RFX3: variants seen among roughly 807,000 people sequenced by gnomAD.
RFX3 encodes the protein regulatory factor X3.
A neutral mutation model predicts 98.6 loss-of-function variants in RFX3; 14 were observed. That is an observed-to-expected ratio of 0.14 (90% confidence interval 0.09 to 0.22). RFX3 has a LOEUF of 0.22. RFX3 is among the 10% of genes least tolerant of loss of function. RFX3 has a pLI of 1.00. For synonymous variants in RFX3, 383 were observed against 328.4 expected (o/e 1.17, Z -1.80); for missense variants, 639 against 926.9 (o/e 0.69, Z 4.03).
rs199893253 is a variant in RFX3 at position 3,521,742 on chromosome 9, A to G, written c.-9+4005T>C. On this transcript the variant is annotated intron_variant, in intron 1 of 16. Transcript: ENST00000617270. ...GTTTGAAAATACTTAACCAACAAAA[A>G]CAACACCTATTTCCAACATATAAAA... is the stretch of plus-strand genomic sequence containing the variant. Among the ~76,000 whole-genome samples, 3 of 152,182 alleles carry G rather than the reference A, an allele frequency of 2.0e-5. No individual in the cohort carries two copies. The East Asian group carries it at 5.8e-4, about 29-fold the overall frequency.
At chr9:3,373,585 T>C (rs1380288160) in intron 2 of RFX3, among the ~76,000 whole-genome samples, 2 of 152,174 alleles carry the variant, frequency 1.3e-5, no homozygotes, top group Admixed American at 6.5e-5. Context: ...GTGTTTTCTC[T>C]TCTGTTCTCC....
In RFX3 at chr9:3,268,989, C is replaced by G. The variant is rs555459359; in HGVS notation, c.1357+1382G>C. ...ATAAACATCTCTAGAGATTATCACT[C>G]AGAGCACAGGGAGCAAGAGAAAAAC... On this transcript the variant is annotated intron_variant, in intron 11 of 16. Transcript: ENST00000617270. Among the ~76,000 whole-genome samples the G allele has an allele frequency of 7.7e-4, 117 of 152,022 alleles. 1 individual carries two copies. Among genetic ancestry groups the G allele is most frequent in the African/African-American group, 2.8e-3 (115 of 41,530 alleles).
intron 1 of RFX3, among the ~76,000 whole-genome samples, chr9:3,448,443 C>T (rs1391181651): frequency 6.6e-6 from 1 of 152,154 alleles, no homozygotes; most frequent in African/African-American, 2.4e-5. Context: ...GCTGTATCAC[C>T]ATGAGTCCTC....
Position 3,502,119 on chromosome 9 carries a change from C to T in RFX3, c.-9+23628G>A, listed in dbSNP as rs370662989. On this transcript the variant is annotated intron_variant, in intron 1 of 16. Transcript: ENST00000617270. ...AAAAAAATACAAAAAATTAGCCGGG[C>T]GTAGTGGCGGGCGCCTGTAGTCCCA... Among the ~76,000 whole-genome samples, 94 of 151,266 alleles carry T rather than the reference C, an allele frequency of 6.2e-4. No individual in the cohort carries two copies. The East Asian group carries it at 0.018, about 29-fold the overall frequency.
Position 3,316,707 on chromosome 9 carries a change from T to C in RFX3, c.474+13552A>G, listed in dbSNP as rs534494110. On this transcript the variant is annotated intron_variant, in intron 4 of 16. Transcript: ENST00000617270. ...AGGCTACAAAATCAATGTGCAAAAA[T>C]CACAAGCATTCCTATACACCAATGA... is the stretch of plus-strand genomic sequence containing the variant. Among the ~76,000 whole-genome samples the C allele has an allele frequency of 7.2e-5, 11 of 152,170 alleles. No individual in the cohort carries two copies. The South Asian group carries it at 2.3e-3, about 32-fold the overall frequency.
intron 14 of RFX3, among the ~76,000 whole-genome samples, chr9:3,253,001 A>G (rs1327108710): frequency 6.6e-6 from 1 of 152,236 alleles, no homozygotes; most frequent in Non-Finnish European, 1.5e-5. Context: ...TTTAATTGGA[A>G]TCCTATTGTC....
intron 15 of RFX3, among the ~76,000 whole-genome samples, chr9:3,242,102 T>C (rs544391524): frequency 2.6e-5 from 4 of 152,314 alleles, no homozygotes; most frequent in East Asian, 1.9e-4. Context: ...CATTTGACTA[T>C]TTGAAGTGAG....
chr9:3,510,635 C>G (rs1234265126), intron 1 of RFX3, among the ~76,000 whole-genome samples: 1 of 151,948 alleles, frequency 6.6e-6, no homozygotes, highest in Non-Finnish European at 1.5e-5. Context: ...ATTTTAAGTA[C>G]AAGGTATCTA....
At chr9:3,429,612 TCTCATCCTAAC>T (rs1398607871) in intron 1 of RFX3, among the ~76,000 whole-genome samples, 2 of 152,130 alleles carry the variant, frequency 1.3e-5, no homozygotes, top group African/African-American at 2.4e-5. Flanking sequence ...GAGGTGCTAA[TCTCATCCTAAC>T]CCATTTCCGT....
rs542583077 is a variant in RFX3, at chr9:3,330,430, G to A, written c.303C>T (p.Ala101=). The part of the protein sequence containing the change: ...GNYFDTQGSS[A]QVTTVVSSHS... Reference sequence around the variant, plus strand: ...GGGATGAGACCACGGTAGTCACCTGGGCGGAACTCCCTTGAGTATCAAAGT... The same window carrying A: ...GGGATGAGACCACGGTAGTCACCTGAGCGGAACTCCCTTGAGTATCAAAGT... The change falls in exon 4 of 17, where the codon GCC becomes GCT. Residue 101 remains alanine (A), a synonymous_variant. Coordinates refer to ENST00000617270, the MANE Select transcript of RFX3 (RefSeq NM_001282116.2). 2 of 1,614,006 alleles carry A rather than the reference G, an allele frequency of 1.2e-6. No homozygotes were observed. The highest frequency in any genetic ancestry group is 3.3e-5 in the Admixed American group (2 of 59,996).
In RFX3 at chr9:3,356,883, TCACC is replaced by T. The variant is rs1835831468; in HGVS notation, c.118-10123_118-10120del. The stretch of plus-strand genomic sequence containing the variant: ...CAATATAAAAGAAAAAAACATATGA[TCACC>T]TCAATAAATGCCAGAAAAGCATTTG... On this transcript the variant is annotated intron_variant, in intron 2 of 16. Transcript: ENST00000617270. 5.3e-5 allele frequency among the ~76,000 whole-genome samples: 8 copies of T among 151,306 alleles called. No individual in the cohort carries two copies. The South Asian group carries it at 1.7e-3, about 32-fold the overall frequency.
At chr9:3,456,328 G>T (rs573889182) in intron 1 of RFX3, among the ~76,000 whole-genome samples, 126 of 152,268 alleles carry the variant, frequency 8.3e-4, no homozygotes, top group African/African-American at 2.7e-3. Flanking sequence ...TTGATCCGTG[G>T]CTAGTGTGAT....
intron 1 of RFX3, among the ~76,000 whole-genome samples, chr9:3,395,941 G>A (rs972647750): frequency 6.6e-6 from 1 of 151,844 alleles, no homozygotes; most frequent in African/African-American, 2.4e-5. Context: ...TTAATTCTCA[G>A]AACACAAACC....
At chr9:3,225,523 C>A (rs369835984) in intron 16 of RFX3, among the ~76,000 whole-genome samples, 1 of 143,920 alleles carries the variant, frequency 6.9e-6, no homozygotes, top group African/African-American at 2.9e-5. Flanking sequence ...GTGATTGATA[C>A]TTTGTTAACT....
intron 1 of RFX3, among the ~76,000 whole-genome samples, chr9:3,423,524 G>C (rs1220777456): frequency 5.3e-5 from 8 of 151,866 alleles, no homozygotes; most frequent in African/African-American, 1.2e-4. Context: ...AAAGAAACCA[G>C]ACACAAGAGT....
Position 3,505,321 on chromosome 9 carries a change from T to TAAAATAAA in RFX3, c.-9+20425_-9+20426insTTTATTTT, listed in dbSNP as rs1410575541. 2.1e-3 allele frequency among the ~76,000 whole-genome samples: 204 copies of TAAAATAAA among 95,994 alleles called. 9 individuals carry two copies. The highest frequency in any genetic ancestry group is 0.015 in the Middle Eastern group (1 of 68). 63.0% of individuals were successfully genotyped at this position (95,994 alleles called of 152,430 possible). On this transcript the variant is annotated intron_variant, in intron 1 of 16. Transcript: ENST00000617270. ...ATATATATATAAATATATATTAATG[T>TAAAATAAA]ATATTTATATTTTATATAAATAAAA... is the stretch of plus-strand genomic sequence containing the variant.
At chr9:3,326,898 C>A (rs1831985173) in intron 4 of RFX3, among the ~76,000 whole-genome samples, 2 of 152,084 alleles carry the variant, frequency 1.3e-5, no homozygotes, top group Non-Finnish European at 2.9e-5. Context: ...TACTGATAGC[C>A]CCCTAAGGAG....
intron 4 of RFX3, among the ~76,000 whole-genome samples, 196 bp from the exon 5 acceptor site, chr9:3,301,816 A>C (rs1586946168): frequency 6.6e-6 from 1 of 151,868 alleles, no homozygotes; most frequent in African/African-American, 2.4e-5. Flanking sequence ...ACTAATAATA[A>C]GCCCATTCAC....
chr9:3,233,342 C>CT, intron 15 of RFX3, among the ~76,000 whole-genome samples: 1 of 152,204 alleles, frequency 6.6e-6, no homozygotes, highest in Non-Finnish European at 1.5e-5. Context: ...TATACCTGAG[C>CT]ATACTGAGAG....
Sources: allele counts gnomAD v4.1 joint callset (sites outside exome capture counted in the v4.1 genomes callset), GRCh38; gene constraint gnomAD v4.1.1; transcripts MANE v1.5; gene names NCBI Gene and HGNC (gene_info 2026-07-23, HGNC 2026-07-21).